MYCBPAP: variants seen among roughly 807,000 people sequenced by gnomAD.
The protein encoded by MYCBPAP is MYCBP-associated protein.
MYCBPAP carries 60 observed loss-of-function variants against 106.1 expected under a neutral mutation model. The ratio of observed to expected loss-of-function variants is 0.57; its 90% confidence interval spans 0.46 to 0.70. MYCBPAP has a LOEUF of 0.70. MYCBPAP is among the 30% of genes least tolerant of loss of function. The pLI, the probability that MYCBPAP is intolerant of heterozygous loss-of-function variation, is 0.00. For missense variants in MYCBPAP, 1,064 were observed against 1,169.3 expected (o/e 0.91, Z 1.31); for synonymous variants, 407 against 440.6 (o/e 0.92, Z 0.95).
intron 18 of MYCBPAP, chr17:50,530,349 G>T (rs958915822): frequency 3.3e-5 from 9 of 269,940 alleles, no homozygotes; most frequent in Non-Finnish European, 6.0e-5. Flanking sequence ...CAAAAAATTA[G>T]CCAGGCATGG....
upstream of MYCBPAP, among the ~76,000 whole-genome samples, chr17:50,507,825 A>C (rs929556933): frequency 1.3e-5 from 2 of 152,224 alleles, no homozygotes; most frequent in African/African-American, 4.8e-5. Flanking sequence ...TCTGAGAGCC[A>C]GTTTGACAAT....
Position 50,519,472 on chromosome 17 carries a change from G to T in MYCBPAP, c.769-168G>T, listed in dbSNP as rs968459702. On this transcript the variant is annotated intron_variant, in intron 6 of 18. Coordinates refer to ENST00000323776, the MANE Select transcript of MYCBPAP (RefSeq NM_032133.6). ...GGGGGCAGGTAAAGATGACAACAGG[G>T]TGTCCAGAAAACACGGCAGTGGATG... The T allele has an allele frequency of 5.1e-6, 4 of 787,376 alleles. No individual in the cohort carries two copies. In the East Asian group the frequency reaches 1.1e-4, roughly 21 times the overall value. The allele number at this position is 787,376 out of a possible 1,614,324, so 48.8% of individuals were successfully genotyped here.
chr17:50,527,925 C>A (rs898451), intron 15 of MYCBPAP, among the ~76,000 whole-genome samples: 2 of 152,024 alleles, frequency 1.3e-5, no homozygotes, highest in Non-Finnish European at 2.9e-5. Flanking sequence ...TGCAGGCCTC[C>A]TAACCCTAGT....
At position 50,531,337 on chromosome 17, in the gene MYCBPAP, T is replaced by C; in HGVS notation, c.2735T>C (p.Leu912Pro). Reference sequence around the variant, plus strand: ...GTCCCGTTCTTCCAGGTCCGTGGGCTGCTGGACACCCTGGTGACTGACCTG... The same window carrying C: ...GTCCCGTTCTTCCAGGTCCGTGGGCCGCTGGACACCCTGGTGACTGACCTG... ...TQSLHSEVRG[L>P]LDTLVTDLMV... Residue 912 changes from leucine (L) to proline (P), a missense_variant, in exon 19 of 19, where the codon CTG becomes CCG. Leu to Pro is a moderately conservative substitution (Grantham distance 98, BLOSUM62 -3). Coordinates refer to ENST00000323776, the MANE Select transcript of MYCBPAP (RefSeq NM_032133.6). The C allele has an allele frequency of 1.9e-6, 3 of 1,612,380 alleles. No individual in the cohort carries two copies. Among genetic ancestry groups the C allele is most frequent in the Non-Finnish European group, 2.5e-6 (3 of 1,179,442 alleles).
chr17:50,519,138 A>AG (rs556069215), intron 6 of MYCBPAP, 49 bp downstream of exon 6: 85,839 of 464,984 alleles, frequency 0.18, 8,349 homozygotes, highest in East Asian at 0.56. Context: ...TCCATGGAGG[A>AG]GGGGGCGGGG....
Position 50,528,181 on chromosome 17 carries a change from A to T in MYCBPAP, c.2318A>T (p.Asp773Val), listed in dbSNP as rs779016866. Residue 773 changes from aspartate to valine, a missense_variant, in exon 16 of 19, where the codon GAC becomes GTC. Physicochemically the swap from Asp to Val is radical, Grantham distance 152. Transcript: ENST00000323776. ...MCLQLWRDVI[D>V]SLVGHSMWLR... ...TTGCAGCTGTGGCGAGATGTGATTG[A>T]CAGCCTGGTGGGCCATTCCATGTGG... 4 of 1,614,128 alleles carry T rather than the reference A, an allele frequency of 2.5e-6. No individual in the cohort carries two copies. The highest frequency in any genetic ancestry group is 3.4e-6 in the Non-Finnish European group (4 of 1,179,998).
At chr17:50,522,707 A>ATATATATATATATAT (rs1241886997) in intron 10 of MYCBPAP, 1 of 32,816 alleles carries the variant, frequency 3.0e-5, no homozygotes, top group Admixed American at 2.6e-4. Flanking sequence ...AAAAAAAAAA[A>ATATATATATATATAT]AAATATATAT....
At position 50,529,201 on chromosome 17, in the gene MYCBPAP, G is replaced by T; in HGVS notation, c.2724+13G>T. Reference sequence around the variant, plus strand: ...CCTGCACAGTGAGGTGAAGGGAAGCGCCCAGCAGCCATTCCCCTGCCTCCC... The same window carrying T: ...CCTGCACAGTGAGGTGAAGGGAAGCTCCCAGCAGCCATTCCCCTGCCTCCC... On this transcript the variant is annotated intron_variant, in intron 18 of 18. Coordinates refer to ENST00000323776, the MANE Select transcript of MYCBPAP (RefSeq NM_032133.6). 2 of 1,603,200 alleles carry T rather than the reference G, an allele frequency of 1.2e-6. No homozygotes were observed. The highest frequency in any genetic ancestry group is 1.1e-5 in the South Asian group (1 of 90,270).
In MYCBPAP at chr17:50,521,168, G is replaced by A; in HGVS notation, c.975G>A (p.Leu325=). 6.2e-7 allele frequency: 1 copy of A among 1,613,830 alleles called. No homozygotes were observed. Among genetic ancestry groups the A allele is most frequent in the Middle Eastern group, 1.7e-4 (1 of 6,060 alleles). ...ACACCTGGGATCGGAGTCTGTTTCT[G>A]ATCTACCGACGCAAGGAGCTGCAGA... The part of the protein sequence containing the change: ...YRYTWDRSLF[L]IYRRKELQRI... The change falls in exon 8 of 19, where the codon CTG becomes CTA. Residue 325 remains leucine, a synonymous_variant. Transcript: ENST00000323776.
At chr17:50,522,685 ACT>A (rs2034302258) in intron 10 of MYCBPAP, 1 of 121,298 alleles carries the variant, frequency 8.2e-6, no homozygotes, top group Non-Finnish European at 1.7e-5. Context: ...CAAGAGCGAA[ACT>A]CTGTCTCAAA....
chr17:50,525,404 G>GTGCC (rs1411098387), intron 13 of MYCBPAP, among the ~76,000 whole-genome samples: 1 of 152,178 alleles, frequency 6.6e-6, no homozygotes, highest in Non-Finnish European at 1.5e-5. Flanking sequence ...ACTCTTTTAT[G>GTGCC]TGCCAAGCTC....
intron 16 of MYCBPAP, 136 bp from the exon 17 acceptor site, chr17:50,528,559 A>G (rs2034531774): frequency 8.5e-7 from 1 of 1,172,216 alleles, no homozygotes; most frequent in South Asian, 1.6e-5. Flanking sequence ...GTCCTGTTTC[A>G]TGAAGCCACG....
At chr17:50,510,454 A>G (rs921421112) in intron 1 of MYCBPAP, 1 of 139,170 alleles carries the variant, frequency 7.2e-6, no homozygotes, top group African/African-American at 2.6e-5. Flanking sequence ...TTTTATATAT[A>G]TTATGTATAT....
chr17:50,529,620 G>A, intron 18 of MYCBPAP: 1 of 407,460 alleles, frequency 2.5e-6, no homozygotes, highest in Non-Finnish European at 5.0e-6. Flanking sequence ...ATTTTTCGGA[G>A]TGAAATGAGA....
rs1354761494 is a variant in MYCBPAP at position 50,518,841 on chromosome 17, C to G, written c.652+117C>G. 1.5e-5 allele frequency: 22 copies of G among 1,462,086 alleles called. No homozygotes were observed. The Middle Eastern group carries it at 8.7e-4, about 58-fold the overall frequency. The allele number at this position is 1,462,086 out of a possible 1,614,324, so 90.6% of individuals were successfully genotyped here. A position where few individuals can be genotyped will look rare whatever the true frequency, so the allele number is the denominator to read the frequency against. On this transcript the variant is annotated intron_variant, in intron 5 of 18. Coordinates refer to ENST00000323776, the MANE Select transcript of MYCBPAP (RefSeq NM_032133.6). ...CTGACCACATTTGTGCTTTCACTCC[C>G]AAGAGTGTCTCACTCTGAAGCTTCA...
intron 12 of MYCBPAP, 77 bp downstream of exon 12, chr17:50,523,861 G>C (rs1359161592): frequency 7.2e-6 from 10 of 1,392,450 alleles, no homozygotes; most frequent in Non-Finnish European, 9.8e-6. Context: ...TGACTGAAGG[G>C]ATCATATTTC....
intron 2 of MYCBPAP, 62 bp downstream of exon 2, chr17:50,516,759 G>A (rs2034067415): frequency 1.9e-6 from 3 of 1,597,542 alleles, no homozygotes; most frequent in South Asian, 1.1e-5. Flanking sequence ...AGCCTGAGTG[G>A]TCTAGAACAC....
chr17:50,524,822 A>G, intron 12 of MYCBPAP, 55 bp from the exon 13 acceptor site: 1 of 1,588,130 alleles, frequency 6.3e-7, no homozygotes, highest in South Asian at 1.1e-5. Flanking sequence ...TTCCTGAAGG[A>G]TGCATTGGTT....
In MYCBPAP at chr17:50,509,458, T is replaced by C. The variant is rs145683802; in HGVS notation, c.76+708T>C. On this transcript the variant is annotated intron_variant, in intron 1 of 18. Coordinates refer to ENST00000323776, the MANE Select transcript of MYCBPAP (RefSeq NM_032133.6). ...CTGACTTCCATGGACATGTTCTCAC[T>C]TGCAACCCACCCCCTTTTGATCTTT... The C allele has an allele frequency of 6.2e-3, 1,770 of 285,662 alleles. 34 individuals are homozygous for C. The highest frequency in any genetic ancestry group is 0.035 in the African/African-American group (1,662 of 46,846). 17.7% of individuals were successfully genotyped at this position (285,662 alleles called of 1,614,324 possible).
Sources: allele counts gnomAD v4.1 joint callset (sites outside exome capture counted in the v4.1 genomes callset), GRCh38; gene constraint gnomAD v4.1.1; transcripts MANE v1.5; gene names NCBI Gene and HGNC (gene_info 2026-07-23, HGNC 2026-07-21).